Variants in TFDP2 observed in about 807,000 individuals in gnomAD.
TFDP2 encodes the protein transcription factor Dp-2, also known as transcription factor Dp-2 (E2F dimerization partner 2).
A neutral mutation model predicts 59.3 loss-of-function variants in TFDP2; 17 were observed. The ratio of observed to expected loss-of-function variants is 0.29; its 90% CI spans 0.20 to 0.43. The LOEUF is 0.43. TFDP2 is among the 20% of genes least tolerant of loss of function. The pLI, the probability that TFDP2 is intolerant of heterozygous loss-of-function variation, is 1.00. For synonymous variants in TFDP2, 180 were observed against 194.7 expected, an observed-to-expected ratio of 0.92 and a Z score of 0.63; for missense variants, 391 against 528.8, an observed-to-expected ratio of 0.74 and a Z score of 2.56.
chr3:141,985,709 A>C (rs368413439), intron 6 of TFDP2, among the ~76,000 whole-genome samples: 7 of 152,258 alleles, frequency 4.6e-5, no homozygotes, highest in African/African-American at 1.7e-4. Context: ...GGATTAGGCA[A>C]AGATGTTTTA....
chr3:141,995,080 G>A lies in TFDP2; in HGVS notation c.248C>T (p.Thr83Ile). The A allele has an allele frequency of 1.2e-6, 2 of 1,611,422 alleles. No homozygotes were observed. The highest frequency in any genetic ancestry group is 2.7e-5 in the African/African-American group (2 of 74,948). The change falls in exon 5 of 13, where the codon ACC becomes ATC. Residue 83 changes from threonine to isoleucine, a missense_variant. Physicochemically the swap from Thr to Ile is moderately conservative, Grantham distance 89. Coordinates refer to ENST00000489671, the MANE Select transcript of TFDP2 (RefSeq NM_001178139.2). ...SGSVLIGSPY[T>I]PAPAMVTQTH... is the part of the protein sequence containing the mutation. ...CTGAGTAACCATTGCTGGTGCAGGG[G>A]TATATGGACTCCCAATCAGAACACT...
At chr3:142,115,293 C>T (rs1204011993) in intron 1 of TFDP2, among the ~76,000 whole-genome samples, 2 of 151,272 alleles carry the variant, frequency 1.3e-5, no homozygotes, top group Admixed American at 1.3e-4. Context: ...TATCCTTGCA[C>T]AGAGCTCATT....
chr3:142,148,907 G>A (rs1157339153), intron 1 of TFDP2, among the ~76,000 whole-genome samples: 3 of 152,230 alleles, frequency 2.0e-5, no homozygotes, highest in African/African-American at 7.2e-5. Flanking sequence ...AAAGTAGAAA[G>A]CAGCCCTTCC....
Position 142,077,762 on chromosome 3 carries a change from C to T in TFDP2, c.82+15299G>A, listed in dbSNP as rs146929938. ...TGACCCAGAACATTCCAAGCTGGGT[C>T]ATATGAGAAACTCCTTCTGTTTGAG... On this transcript the variant is annotated intron_variant, in intron 3 of 12. Coordinates refer to ENST00000489671, the MANE Select transcript of TFDP2 (RefSeq NM_001178139.2). 3.4e-3 allele frequency among the ~76,000 whole-genome samples: 523 copies of T among 152,162 alleles called. 2 individuals carry two copies. Among genetic ancestry groups the T allele is most frequent in the African/African-American group, 0.012 (498 of 41,532 alleles).
chr3:142,055,018 C>G (rs1273394352), intron 3 of TFDP2, among the ~76,000 whole-genome samples: 2 of 152,094 alleles, frequency 1.3e-5, no homozygotes, highest in Non-Finnish European at 2.9e-5. Context: ...AGATTTTAAG[C>G]AGATATTGGA....
chr3:142,041,923 C>G (rs1946992643), intron 3 of TFDP2, among the ~76,000 whole-genome samples: 1 of 152,192 alleles, frequency 6.6e-6, no homozygotes, highest in Non-Finnish European at 1.5e-5. Context: ...ACCCATTCTT[C>G]CATTAAACTG....
intron 2 of TFDP2, chr3:142,093,941 C>T: frequency 2.0e-6 from 1 of 511,356 alleles, no homozygotes; most frequent in East Asian, 5.6e-5. Context: ...CTGCTCAATC[C>T]ATGTCAGCAT....
intron 1 of TFDP2, among the ~76,000 whole-genome samples, chr3:142,129,756 A>G (rs544740948): frequency 1.3e-5 from 2 of 151,200 alleles, no homozygotes; most frequent in African/African-American, 4.8e-5. Flanking sequence ...TGGACAACAT[A>G]GCAAGATCCC....
chr3:142,037,066 C>T (rs1189872890), intron 3 of TFDP2, among the ~76,000 whole-genome samples: 1 of 152,116 alleles, frequency 6.6e-6, no homozygotes, highest in African/African-American at 2.4e-5. Context: ...AAATATCAAA[C>T]CAATATAGCT....
At chr3:142,000,992 T>C (rs1289985879) in intron 4 of TFDP2, among the ~76,000 whole-genome samples, 3 of 152,162 alleles carry the variant, frequency 2.0e-5, no homozygotes, top group Non-Finnish European at 4.4e-5. Context: ...GTTTGAGTCT[T>C]CTGCATGTGG....
At chr3:141,965,386 C>A (rs1446079324) in intron 9 of TFDP2, among the ~76,000 whole-genome samples, 1 of 151,536 alleles carries the variant, frequency 6.6e-6, no homozygotes, top group East Asian at 1.9e-4. Context: ...AATCTCAGCA[C>A]TTTGGGAGGC....
rs1018702333 is a variant in TFDP2, at chr3:142,127,092, A to G, written c.-93+22091T>C. Among the ~76,000 whole-genome samples, 15 of 149,172 alleles carry G rather than the reference A, an allele frequency of 1.0e-4. No individual in the cohort carries two copies. In the South Asian group the frequency reaches 2.9e-3, roughly 29 times the overall value. ...TATGTAATTAGATGTATCTACCTATATAATTATATATAGATGATCAGATAT... is the reference window on the plus strand; with the variant it reads ...TATGTAATTAGATGTATCTACCTATGTAATTATATATAGATGATCAGATAT... On this transcript the variant is annotated intron_variant, in intron 1 of 12. Coordinates refer to ENST00000489671, the MANE Select transcript of TFDP2 (RefSeq NM_001178139.2).
Position 142,087,256 on chromosome 3 carries a change from G to A in TFDP2, c.82+5805C>T, listed in dbSNP as rs534015838. On this transcript the variant is annotated intron_variant, in intron 3 of 12. Transcript: ENST00000489671. Reference sequence around the variant, plus strand: ...AAATGCTTTGTTAGGTGATTTCATTGTTGTACAAACATCATGGAGTATACT... The same window carrying A: ...AAATGCTTTGTTAGGTGATTTCATTATTGTACAAACATCATGGAGTATACT... Among the ~76,000 whole-genome samples, 9 of 152,270 alleles carry A rather than the reference G, an allele frequency of 5.9e-5. No individual in the cohort carries two copies. The South Asian group carries it at 1.9e-3, about 32-fold the overall frequency.
intron 3 of TFDP2, among the ~76,000 whole-genome samples, chr3:142,019,545 C>A (rs1187111329): frequency 6.6e-6 from 1 of 152,064 alleles, no homozygotes; most frequent in African/African-American, 2.4e-5. Flanking sequence ...TTTAAACATG[C>A]TGCATTTTAC....
chr3:142,101,795 T>C lies in TFDP2; in HGVS notation c.-46A>G. The C allele has an allele frequency of 8.3e-7, 1 of 1,206,578 alleles. No individual in the cohort carries two copies. Among genetic ancestry groups the C allele is most frequent in the Non-Finnish European group, 1.1e-6 (1 of 913,244 alleles). 74.7% of individuals were successfully genotyped at this position (1,206,578 alleles called of 1,614,324 possible). A position where few individuals can be genotyped will look rare whatever the true frequency, so the allele number is the denominator to read the frequency against. ...AGATTCTGTAAAGCCATTAAAAAAA[T>C]AAAAAGAAAAAAACCTTCGTCTTCA... On this transcript the variant is annotated 5_prime_UTR_variant, in exon 2 of 13. Coordinates refer to ENST00000489671, the MANE Select transcript of TFDP2 (RefSeq NM_001178139.2).
intron 1 of TFDP2, among the ~76,000 whole-genome samples, chr3:142,104,029 C>T (rs927656954): frequency 2.0e-5 from 3 of 152,092 alleles, no homozygotes; most frequent in African/African-American, 7.2e-5. Context: ...GCTATTTGTC[C>T]TGATGCTCCC....
intron 6 of TFDP2, among the ~76,000 whole-genome samples, chr3:141,983,256 A>G (rs1168248105): frequency 6.6e-6 from 1 of 152,228 alleles, no homozygotes; most frequent in African/African-American, 2.4e-5. Flanking sequence ...TTTGAAAGTT[A>G]AGCAAAAAAT....
chr3:141,964,480 T>C (rs774530303), intron 9 of TFDP2, among the ~76,000 whole-genome samples: 14 of 152,068 alleles, frequency 9.2e-5, no homozygotes, highest in Middle Eastern at 3.2e-3. Flanking sequence ...GGCAAAACCC[T>C]ATCTCTACAA....
intron 3 of TFDP2, among the ~76,000 whole-genome samples, chr3:142,050,990 A>G (rs781004814): frequency 6.6e-6 from 1 of 152,250 alleles, no homozygotes; most frequent in African/African-American, 2.4e-5. Flanking sequence ...TAAAATTTAT[A>G]TAAAATGCAA....
Sources: gnomAD v4.1 joint callset for allele counts (sites outside exome capture counted in the v4.1 genomes callset) on GRCh38, gnomAD v4.1.1 for gene constraint, MANE v1.5 for transcripts, NCBI Gene and HGNC (gene_info 2026-07-23, HGNC 2026-07-21) for gene names.